Variants in P4HA3 observed in about 807,000 individuals in gnomAD.
P4HA3 encodes the protein prolyl 4-hydroxylase subunit alpha-3.
In P4HA3, 60 loss-of-function variants were observed where a neutral mutation model predicts 66.7. That is an observed-to-expected ratio of 0.90 (90% CI 0.73 to 1.12). The LOEUF is 1.12. Among genes scored for constraint, P4HA3 ranks in the 50% most tolerant of loss-of-function variants. P4HA3 has a pLI of 0.00. For synonymous variants in P4HA3, 263 were observed against 274.6 expected (o/e 0.96, Z 0.42); for missense variants, 683 against 685.8 (o/e 1.00, Z 0.05).
chr11:74,290,617 T>C (rs942598096), intron 4 of P4HA3, among the ~76,000 whole-genome samples: 1 of 152,028 alleles, frequency 6.6e-6, no homozygotes, highest in African/African-American at 2.4e-5. Flanking sequence ...GAATTAATTT[T>C]TGTATAAGGT....
intron 4 of P4HA3, among the ~76,000 whole-genome samples, chr11:74,297,862 T>C (rs490539): frequency 0.63 from 95,909 of 152,160 alleles, 32,084 homozygotes; most frequent in African/African-American, 0.88. Context: ...TCTACATTTA[T>C]TATGAACCCA....
At chr11:74,301,562 C>A (rs17132931) in intron 3 of P4HA3, among the ~76,000 whole-genome samples, 7,740 of 152,184 alleles carry the variant, frequency 0.051, 501 homozygotes, top group African/African-American at 0.15. Flanking sequence ...ACACATGAGA[C>A]CCACTCCCAG....
chr11:74,296,137 G>T (rs963198822), intron 4 of P4HA3, among the ~76,000 whole-genome samples: 2 of 152,168 alleles, frequency 1.3e-5, no homozygotes, highest in African/African-American at 4.8e-5. Flanking sequence ...TGCCACGCAC[G>T]CATTCTGTTA....
chr11:74,304,471 G>C, intron 1 of P4HA3, 59 bp from the exon 2 acceptor site: 4 of 1,584,152 alleles, frequency 2.5e-6, no homozygotes, highest in Non-Finnish European at 3.5e-6. Context: ...CCTAGGGAAG[G>C]CTGGCATGGT....
chr11:74,260,933 T>G (rs1230609961), intron 14 of P4HA3, among the ~76,000 whole-genome samples: 1 of 152,066 alleles, frequency 6.6e-6, no homozygotes, highest in Non-Finnish European at 1.5e-5. Context: ...TGACACAGGA[T>G]TTTTCCCAGC....
chr11:74,256,775 A>G (rs188815779), intron 15 of P4HA3, among the ~76,000 whole-genome samples: 29 of 152,282 alleles, frequency 1.9e-4, no homozygotes, highest in Admixed American at 9.1e-4. Context: ...ACTCCTTCCC[A>G]AAAAAGGAAG....
chr11:74,288,175 C>A (rs1860865896), intron 5 of P4HA3, among the ~76,000 whole-genome samples: 1 of 152,148 alleles, frequency 6.6e-6, no homozygotes, highest in Non-Finnish European at 1.5e-5. Context: ...CATTTCCAAG[C>A]AGATACCTGA....
intron 2 of P4HA3, 69 bp from the exon 3 acceptor site, chr11:74,302,661 G>A: frequency 2.2e-6 from 3 of 1,357,176 alleles, no homozygotes. Flanking sequence ...TACATGTAAG[G>A]CATGACCACC....
At chr11:74,288,587 CT>C (rs1860884254) in intron 5 of P4HA3, among the ~76,000 whole-genome samples, 2 of 152,110 alleles carry the variant, frequency 1.3e-5, no homozygotes, top group Admixed American at 1.3e-4. Context: ...AAATTTCCCC[CT>C]GATGCATTGA....
intron 11 of P4HA3, among the ~76,000 whole-genome samples, chr11:74,268,942 T>C (rs982910282): frequency 2.0e-5 from 3 of 152,202 alleles, no homozygotes; most frequent in Non-Finnish European, 4.4e-5. Flanking sequence ...CCAGGATGCA[T>C]TGGCAGTCTC....
intron 7 of P4HA3, among the ~76,000 whole-genome samples, chr11:74,284,248 G>A (rs1159745090): frequency 6.6e-6 from 1 of 152,236 alleles, no homozygotes; most frequent in Non-Finnish European, 1.5e-5. Flanking sequence ...CATCCAGCTT[G>A]GCTTGGTGAC....
downstream of P4HA3, among the ~76,000 whole-genome samples, chr11:74,262,188 C>T (rs61292440): frequency 0.025 from 3,740 of 152,258 alleles, 142 homozygotes; most frequent in African/African-American, 0.085. Context: ...ACCACGCAGG[C>T]ATCTAGTGCC....
chr11:74,252,323 A>C, intron 15 of P4HA3: 1 of 393,374 alleles, frequency 2.5e-6, no homozygotes, highest in Non-Finnish European at 5.2e-6. Flanking sequence ...CCTGGCCTCA[A>C]GTGATCCACC....
At chr11:74,308,462 C>G (rs1220660935) in intron 1 of P4HA3, among the ~76,000 whole-genome samples, 1 of 152,106 alleles carries the variant, frequency 6.6e-6, no homozygotes, top group African/African-American at 2.4e-5. Flanking sequence ...ATCACTTGAG[C>G]CAGGGGTTTG....
At chr11:74,274,884 G>A (rs1253458627) in intron 9 of P4HA3, among the ~76,000 whole-genome samples, 1 of 152,128 alleles carries the variant, frequency 6.6e-6, no homozygotes, top group African/African-American at 2.4e-5. Flanking sequence ...GCCATCATAA[G>A]AGAGTGCAGT....
chr11:74,256,339 G>A (rs745728033), intron 15 of P4HA3, among the ~76,000 whole-genome samples: 2 of 152,198 alleles, frequency 1.3e-5, no homozygotes, highest in Non-Finnish European at 2.9e-5. Context: ...GAGCTTTGTG[G>A]TTGGTTGTGT....
At chr11:74,258,098 C>T (rs978959280) in intron 15 of P4HA3, among the ~76,000 whole-genome samples, 3 of 152,202 alleles carry the variant, frequency 2.0e-5, no homozygotes, top group African/African-American at 7.2e-5. Flanking sequence ...GGAGCCAACT[C>T]TGCTGCTCCA....
chr11:74,282,954 G>A lies in P4HA3; in HGVS notation c.1110+2855C>T, dbSNP rs1410778955. On this transcript the variant is annotated intron_variant, in intron 7 of 12. Coordinates refer to ENST00000331597, the MANE Select transcript of P4HA3 (RefSeq NM_182904.5). ...GCTAGCGGGCCCAGCGAAGGTGCAG[G>A]GCTTCAACTGAGTCTTCAAAGATGG... Among the ~76,000 whole-genome samples, 3 of 152,306 alleles carry A rather than the reference G, an allele frequency of 2.0e-5. No individual in the cohort carries two copies. In the East Asian group the frequency reaches 5.8e-4, roughly 29 times the overall value.
At chr11:74,272,962 G>A (rs1860257750) in intron 10 of P4HA3, among the ~76,000 whole-genome samples, 1 of 152,216 alleles carries the variant, frequency 6.6e-6, no homozygotes, top group African/African-American at 2.4e-5. Context: ...CAGGAATTAG[G>A]AGAGAAGTAC....
Sources: gnomAD v4.1 joint callset for allele counts (sites outside exome capture counted in the v4.1 genomes callset) on GRCh38, gnomAD v4.1.1 for gene constraint, MANE v1.5 for transcripts, NCBI Gene and HGNC (gene_info 2026-07-23, HGNC 2026-07-21) for gene names.